ZNF536: variants seen among roughly 807,000 people sequenced by gnomAD.
ZNF536 encodes zinc finger protein 536.
Under a neutral mutation model 84.5 loss-of-function variants are expected in ZNF536, and 13 were observed. That is an observed-to-expected ratio of 0.15 (90% CI 0.10 to 0.24). The LOEUF is 0.24. Among genes scored for constraint, ZNF536 ranks in the 10% least tolerant of loss-of-function variants. ZNF536 has a pLI of 1.00. For missense variants in ZNF536, 1,536 were observed against 1,747.5 expected (o/e 0.88, Z 2.16); for synonymous variants, 811 against 742.5 (o/e 1.09, Z -1.50).
At chr19:30,570,913 C>T (rs938577609) in intron 1 of ZNF536, among the ~76,000 whole-genome samples, 1 of 152,264 alleles carries the variant, frequency 6.6e-6, no homozygotes, top group Non-Finnish European at 1.5e-5. Flanking sequence ...TGCCCAATTA[C>T]TCCCCAATAA....
intron 1 of ZNF536, among the ~76,000 whole-genome samples, chr19:30,598,688 A>T (rs2047551004): frequency 1.3e-5 from 2 of 152,074 alleles, no homozygotes; most frequent in Admixed American, 1.3e-4. Context: ...ATTTTACCCC[A>T]TGGAACATTA....
At chr19:30,680,607 A>G (rs1055017609) in intron 1 of ZNF536, among the ~76,000 whole-genome samples, 1 of 152,096 alleles carries the variant, frequency 6.6e-6, no homozygotes, top group African/African-American at 2.4e-5. Flanking sequence ...GCTGCATAGT[A>G]TTCCATGATG....
intron 2 of ZNF536, among the ~76,000 whole-genome samples, chr19:30,475,774 G>A (rs2144726459): frequency 6.6e-6 from 1 of 152,234 alleles, no homozygotes; most frequent in East Asian, 1.9e-4. Context: ...TGGCTCTGCT[G>A]TGCTTTAGGA....
At chr19:30,311,418 C>T (rs2046500127) in intron 2 of ZNF536, among the ~76,000 whole-genome samples, 1 of 152,206 alleles carries the variant, frequency 6.6e-6, no homozygotes, top group Admixed American at 6.6e-5. Flanking sequence ...TCTCCCAAAG[C>T]ATCACATTGT....
chr19:30,625,305 C>T (rs1282749824), intron 1 of ZNF536, among the ~76,000 whole-genome samples: 1 of 152,176 alleles, frequency 6.6e-6, no homozygotes, highest in Non-Finnish European at 1.5e-5. Context: ...GCCCAAGAAG[C>T]ATTGGATCTC....
At chr19:30,578,928 G>A (rs1027062247) in intron 1 of ZNF536, among the ~76,000 whole-genome samples, 3 of 152,208 alleles carry the variant, frequency 2.0e-5, no homozygotes, top group African/African-American at 7.2e-5. Context: ...AATTGAGTTT[G>A]TGGCCCAGTT....
chr19:30,286,530 CAGAG>C (rs914897874), intron 2 of ZNF536, among the ~76,000 whole-genome samples: 13 of 120,186 alleles, frequency 1.1e-4, no homozygotes, highest in Middle Eastern at 3.9e-3. Context: ...GAGACAGAGA[CAGAG>C]AGAGAGAGAG....
At chr19:30,266,928 A>G (rs1357589898) in intron 1 of ZNF536, among the ~76,000 whole-genome samples, 3 of 152,248 alleles carry the variant, frequency 2.0e-5, no homozygotes, top group Non-Finnish European at 4.4e-5. Context: ...TTGTCTGACA[A>G]CGGAATCCGT....
chr19:30,569,099 G>A (rs1289297164), intron 1 of ZNF536, among the ~76,000 whole-genome samples: 1 of 152,200 alleles, frequency 6.6e-6, no homozygotes, highest in African/African-American at 2.4e-5. Context: ...CACATATCCA[G>A]AAGCAAAGCC....
At chr19:30,426,908 G>C (rs2051238849) in intron 1 of ZNF536, among the ~76,000 whole-genome samples, 1 of 152,144 alleles carries the variant, frequency 6.6e-6, no homozygotes, top group South Asian at 2.1e-4. Flanking sequence ...CTATTTGTCT[G>C]TGTGCATTAT....
intron 1 of ZNF536, among the ~76,000 whole-genome samples, chr19:30,631,967 T>C (rs1276535390): frequency 2.0e-5 from 3 of 152,166 alleles, no homozygotes; most frequent in Non-Finnish European, 2.9e-5. Context: ...TTCAGTCTTA[T>C]AAAACACGGC....
chr19:30,693,946 G>A (rs900172048), intron 1 of ZNF536, among the ~76,000 whole-genome samples: 2 of 152,128 alleles, frequency 1.3e-5, no homozygotes, highest in Non-Finnish European at 2.9e-5. Context: ...CTGCTCCCGC[G>A]ACACTGTTTT....
At chr19:30,710,563 C>A (rs905315634) in intron 1 of ZNF536, among the ~76,000 whole-genome samples, 5 of 152,178 alleles carry the variant, frequency 3.3e-5, no homozygotes, top group Admixed American at 6.5e-5. Flanking sequence ...CAAAAATATT[C>A]AGGGATGGGA....
upstream of ZNF536, among the ~76,000 whole-genome samples, chr19:30,368,192 T>C (rs548086161): frequency 3.3e-5 from 5 of 152,362 alleles, no homozygotes; most frequent in Admixed American, 2.6e-4. Context: ...CAGAGCTGGC[T>C]GCAGCAGCTA....
intron 1 of ZNF536, among the ~76,000 whole-genome samples, chr19:30,411,121 A>G (rs1389326172): frequency 6.6e-6 from 1 of 152,236 alleles, no homozygotes; most frequent in East Asian, 1.9e-4. Flanking sequence ...AATTTCTGGC[A>G]CATACACATG....
intron 1 of ZNF536, among the ~76,000 whole-genome samples, chr19:30,375,222 C>G (rs982387596): frequency 1.3e-5 from 2 of 148,738 alleles, no homozygotes; most frequent in Non-Finnish European, 3.0e-5. Context: ...AGTGCCACCC[C>G]GAGGCCGAGC....
At chr19:30,374,897 C>T (rs2048752310) in intron 1 of ZNF536, among the ~76,000 whole-genome samples, 3 of 151,444 alleles carry the variant, frequency 2.0e-5, no homozygotes. Context: ...GCCCGCGAGC[C>T]GGAAGAGCGC....
At chr19:30,266,798 G>A (rs1380874427) in intron 1 of ZNF536, among the ~76,000 whole-genome samples, 1 of 152,166 alleles carries the variant, frequency 6.6e-6, no homozygotes, top group Non-Finnish European at 1.5e-5. Flanking sequence ...CAGGAAGAAT[G>A]CATTTTAATT....
chr19:30,506,874 T>G (rs2055195334), intron 2 of ZNF536, among the ~76,000 whole-genome samples: 1 of 152,200 alleles, frequency 6.6e-6, no homozygotes, highest in Non-Finnish European at 1.5e-5. Flanking sequence ...AAGGAAAATA[T>G]CAGTCTTAAC....
Sources: allele counts gnomAD v4.1 joint callset (sites outside exome capture counted in the v4.1 genomes callset), GRCh38; gene constraint gnomAD v4.1.1; transcripts MANE v1.5; gene names NCBI Gene and HGNC (gene_info 2026-07-23, HGNC 2026-07-21).